Variants in SYNJ1 observed in about 807,000 individuals in gnomAD.
SYNJ1 encodes synaptojanin 1.
Under a neutral mutation model 168.2 loss-of-function variants are expected in SYNJ1, and 78 were observed. That is an observed-to-expected ratio of 0.46 (90% confidence interval 0.39 to 0.56). The LOEUF (loss-of-function observed/expected upper bound fraction) is 0.56. Ranked by LOEUF, SYNJ1 falls within the 20% of genes least tolerant of loss-of-function variation. The pLI, the probability that SYNJ1 is intolerant of heterozygous loss-of-function variation, is 0.00. For missense variants in SYNJ1, 1,303 were observed against 1,597.6 expected, an observed-to-expected ratio of 0.82 and a Z score of 3.14; for synonymous variants, 539 against 548.6, an observed-to-expected ratio of 0.98 and a Z score of 0.24.
intron 2 of SYNJ1, among the ~76,000 whole-genome samples, chr21:32,726,490 A>G (rs2043460415): frequency 6.6e-6 from 1 of 152,210 alleles, no homozygotes; most frequent in Non-Finnish European, 1.5e-5. Flanking sequence ...AACTGAAACA[A>G]TATTTCTTTG....
At position 32,645,511 on chromosome 21, in the gene SYNJ1, G is replaced by A. The variant is rs529197175; in HGVS notation, c.3391+135C>T. The A allele has an allele frequency of 6.0e-5, 75 of 1,248,922 alleles. No individual in the cohort carries two copies. In the African/African-American group the frequency reaches 1.1e-3, roughly 18 times the overall value. The allele number at this position is 1,248,922 out of a possible 1,614,324, so 77.4% of individuals were successfully genotyped here. On this transcript the variant is annotated intron_variant, in intron 25 of 32. Coordinates refer to ENST00000674351, the MANE Select transcript of SYNJ1 (RefSeq NM_203446.3). ...TGTTGCGCCTACCATGTTCTTTAGA[G>A]AAAAGCTAAGAAATAGCAATAATGA... is the stretch of plus-strand genomic sequence containing the variant.
At chr21:32,698,715 AC>A (rs1184390063) in intron 4 of SYNJ1, among the ~76,000 whole-genome samples, 3 of 152,184 alleles carry the variant, frequency 2.0e-5, no homozygotes, top group Non-Finnish European at 4.4e-5. Flanking sequence ...ATCATGAAAT[AC>A]ATCACACTTA....
chr21:32,670,232 C>G, intron 15 of SYNJ1, 56 bp downstream of exon 15: 1 of 1,364,714 alleles, frequency 7.3e-7, no homozygotes, highest in Non-Finnish European at 1.0e-6. Context: ...ATTATCTGTC[C>G]TCCATAGTTT....
At chr21:32,634,180 A>G (rs1231343351) in intron 32 of SYNJ1, among the ~76,000 whole-genome samples, 5 of 152,186 alleles carry the variant, frequency 3.3e-5, no homozygotes, top group African/African-American at 1.2e-4. Context: ...TTGCATATAT[A>G]AGAAAATTTT....
At position 32,684,204 on chromosome 21, in the gene SYNJ1, G is replaced by A. The variant is rs1362554550; in HGVS notation, c.1119-85C>T. The A allele has an allele frequency of 7.1e-6, 9 of 1,269,982 alleles. No homozygotes were observed. The East Asian group carries it at 9.5e-5, about 13-fold the overall frequency. 78.7% of individuals were successfully genotyped at this position (1,269,982 alleles called of 1,614,324 possible). ...GAATAATTGAGGTAATTAAAATGTA[G>A]CATCCACCTTCCCTCTCCAACTTTT... On this transcript the variant is annotated intron_variant, in intron 9 of 32. Transcript: ENST00000674351.
chr21:32,722,129 G>A (rs2043246092), intron 2 of SYNJ1, among the ~76,000 whole-genome samples: 1 of 148,640 alleles, frequency 6.7e-6, no homozygotes, highest in Non-Finnish European at 1.5e-5. Flanking sequence ...AGGTTGCAGT[G>A]AGCCGAGATC....
At chr21:32,657,986 T>C in intron 18 of SYNJ1, 114 bp from the exon 19 acceptor site, 1 of 749,054 alleles carries the variant, frequency 1.3e-6, no homozygotes, top group Non-Finnish European at 2.2e-6. Context: ...AGAAGAAATC[T>C]GTATGCGTCT....
chr21:32,687,001 G>A lies in SYNJ1; in HGVS notation c.925C>T (p.His309Tyr). The A allele has an allele frequency of 6.4e-7, 1 of 1,551,792 alleles. No homozygotes were observed. The highest frequency in any genetic ancestry group is 2.4e-5 in the East Asian group (1 of 40,978). The stretch of plus-strand genomic sequence containing the variant: ...ACCTGGAAAGCTTTACTTAGCATAT[G>A]TTCACCTTCCTTAGATCCAAGCAAA... ...VNLLGSKEGE[H>Y]MLSKAFQSHL... Residue 309 changes from histidine to tyrosine, a missense_variant, in exon 8 of 33, where the codon CAT (histidine) becomes TAT (tyrosine). Around this residue, in one of 2 missense-constraint regions of SYNJ1, gnomAD observed 920 missense variants for 1,208.8 expected, o/e 0.76. Transcript: ENST00000674351.
intron 18 of SYNJ1, among the ~76,000 whole-genome samples, chr21:32,659,518 CCTAA>C (rs954720356): frequency 6.6e-6 from 1 of 152,168 alleles, no homozygotes; most frequent in African/African-American, 2.4e-5. Context: ...CAACCCCTGA[CCTAA>C]CTGTTTGTGT....
intron 32 of SYNJ1, among the ~76,000 whole-genome samples, chr21:32,634,463 T>C (rs1445329857): frequency 1.3e-5 from 2 of 152,134 alleles, no homozygotes; most frequent in Non-Finnish European, 2.9e-5. Context: ...TGAAAAAATA[T>C]TTCCCCCAAA....
intron 32 of SYNJ1, among the ~76,000 whole-genome samples, chr21:32,634,594 C>T (rs1484287118): frequency 6.6e-6 from 1 of 152,082 alleles, no homozygotes; most frequent in East Asian, 1.9e-4. Flanking sequence ...ATCTTACTTT[C>T]TTGAAGTTAC....
In SYNJ1 at chr21:32,695,150, A is replaced by G. The variant is rs1257300620; in HGVS notation, c.612T>C (p.Ile204=). ...CAGCTCGTTCACAGCTTAATCTTGA[A>G]ATGAGGCAAGCCTTCGCCTGTTTAT... ...AAHKQAKACL[I]SRLSCERAGT... The change falls in exon 5 of 33, where the codon ATT becomes ATC. Residue 204 remains isoleucine (I), a synonymous_variant. Coordinates refer to ENST00000674351, the MANE Select transcript of SYNJ1 (RefSeq NM_203446.3). 1.2e-6 allele frequency: 2 copies of G among 1,614,008 alleles called. No homozygotes were observed. Among genetic ancestry groups the G allele is most frequent in the South Asian group, 1.1e-5 (1 of 91,090 alleles).
rs550140044 is a variant in SYNJ1, at chr21:32,637,244, T to C, written c.3915+1664A>G. 3.9e-5 allele frequency among the ~76,000 whole-genome samples: 6 copies of C among 152,100 alleles called. No homozygotes were observed. In the South Asian group the frequency reaches 1.2e-3, roughly 32 times the overall value. On this transcript the variant is annotated intron_variant, in intron 31 of 32. Transcript: ENST00000674351. ...AGCTCAGAGTGGCTAGTTGAAAAAGTTTTTTGCCCTTCAATTACATTTTAA... is the reference window on the plus strand; with the variant it reads ...AGCTCAGAGTGGCTAGTTGAAAAAGCTTTTTGCCCTTCAATTACATTTTAA...
In SYNJ1 at chr21:32,727,966, C is replaced by T; in HGVS notation, c.-43G>A. The T allele has an allele frequency of 6.5e-7, 1 of 1,534,656 alleles. No individual in the cohort carries two copies. The highest frequency in any genetic ancestry group is 8.7e-7 in the Non-Finnish European group (1 of 1,146,004). On this transcript the variant is annotated 5_prime_UTR_variant, in exon 1 of 33. Transcript: ENST00000674351. ...CTCACCTCTTCCTCCGGCTCCTCCT[C>T]CTCCTTCTCCCGCAGCCGCCGCCAC...
Position 32,659,627 on chromosome 21 carries a change from C to G in SYNJ1, c.2305-1755G>C, listed in dbSNP as rs575873916. 3.6e-4 allele frequency among the ~76,000 whole-genome samples: 55 copies of G among 152,260 alleles called. 1 individual carries two copies. The highest frequency in any genetic ancestry group is 3.2e-3 in the Admixed American group (49 of 15,296). ...GGTGCATGCAGCCCCCAGTCACATA[C>G]CCCCTGCTTGCTCAATTGATCATGA... is the stretch of plus-strand genomic sequence containing the variant. On this transcript the variant is annotated intron_variant, in intron 18 of 32. Transcript: ENST00000674351.
chr21:32,699,796 ATAT>A, intron 4 of SYNJ1, 39 bp downstream of exon 4: 1 of 1,582,420 alleles, frequency 6.3e-7, no homozygotes. Context: ...ACTGCTGAAC[ATAT>A]TATGTCCCAA....
In SYNJ1 at chr21:32,666,582, A is replaced by T; in HGVS notation, c.1812-9T>A. 1 of 1,599,926 alleles carries T rather than the reference A, an allele frequency of 6.3e-7. No homozygotes were observed. The highest frequency in any genetic ancestry group is 8.5e-7 in the Non-Finnish European group (1 of 1,175,924). On this transcript the variant is annotated splice_polypyrimidine_tract_variant and intron_variant, in intron 15 of 32. Coordinates refer to ENST00000674351, the MANE Select transcript of SYNJ1 (RefSeq NM_203446.3). ...GCTTCTGATTTGTTGTGCTACAAGA[A>T]AATATTAAAAAGAGAATTTTTTAAA...
intron 2 of SYNJ1, among the ~76,000 whole-genome samples, chr21:32,712,932 C>T (rs914318008): frequency 1.3e-5 from 2 of 152,124 alleles, no homozygotes; most frequent in Non-Finnish European, 2.9e-5. Context: ...CCTAAGAATA[C>T]AGCCAACAGA....
rs1601245423 is a variant in SYNJ1 at position 32,642,095 on chromosome 21, C to T, written c.3517G>A (p.Gly1173Arg). ...SPGTTRKDNI[G>R]RSQPSPQAGL... is the part of the protein sequence containing the mutation. Reference sequence around the variant, plus strand: ...AATAGCTACATTCAAGTGTTTTTACCTATATTATCTTTCCTTGTTGTTCCA... The same window carrying T: ...AATAGCTACATTCAAGTGTTTTTACTTATATTATCTTTCCTTGTTGTTCCA... Residue 1173 changes from glycine (G) to arginine (R), a missense_variant and splice_region_variant, in exon 28 of 33, where the codon GGA (glycine) becomes AGA (arginine). Around this residue, in one of 2 missense-constraint regions of SYNJ1, gnomAD observed 383 missense variants for 388.8 expected, o/e 0.99. Transcript: ENST00000674351. 1.2e-6 allele frequency: 2 copies of T among 1,613,916 alleles called. No individual in the cohort carries two copies. The highest frequency in any genetic ancestry group is 1.1e-5 in the South Asian group (1 of 91,070).
Sources: allele counts gnomAD v4.1 joint callset (sites outside exome capture counted in the v4.1 genomes callset), GRCh38; gene constraint gnomAD v4.1.1; regional missense constraint gnomAD v4.1.1; transcripts MANE v1.5; gene names NCBI Gene and HGNC (gene_info 2026-07-23, HGNC 2026-07-21).